TERT: variants seen among roughly 807,000 people sequenced by gnomAD.
TERT encodes the protein telomerase reverse transcriptase.
In TERT, 42 loss-of-function variants were observed where a neutral mutation model predicts 104.0. The ratio of observed to expected loss-of-function variants is 0.40; its 90% CI spans 0.32 to 0.52. TERT has a LOEUF of 0.52. Among genes scored for constraint, TERT ranks in the 20% least tolerant of loss-of-function variants. TERT has a pLI of 0.43. For missense variants in TERT, 1,101 were observed against 1,610.3 expected (o/e 0.68, Z 5.41); for synonymous variants, 781 against 725.6 (o/e 1.08, Z -1.23).
At position 1,293,924 on chromosome 5, in the gene TERT, C is replaced by T. The variant is rs150981755; in HGVS notation, c.962G>A (p.Cys321Tyr). ...CTTGGTCTCGGCGTACACCGGGGGA[C>T]AAGGCGTGTCCCAGGGACGTGGTGG... ...SRPPRPWDTP[C>Y]PPVYAETKHF... is the part of the protein sequence containing the mutation. Residue 321 changes from cysteine (C) to tyrosine (Y), a missense_variant, in exon 2 of 16, where the codon TGT (cysteine) becomes TAT (tyrosine). This residue lies in a region of TERT where 504 missense variants were observed against 544.6 expected (regional missense o/e 0.93). Coordinates refer to ENST00000310581, the MANE Select transcript of TERT (RefSeq NM_198253.3). 6.5e-7 allele frequency: 1 copy of T among 1,542,930 alleles called. No homozygotes were observed. The highest frequency in any genetic ancestry group is 1.2e-5 in the South Asian group (1 of 84,172).
At chr5:1,276,167 C>A (rs1033853742) in intron 6 of TERT, among the ~76,000 whole-genome samples, 8 of 148,198 alleles carry the variant, frequency 5.4e-5, no homozygotes, top group African/African-American at 2.0e-4. Flanking sequence ...CTACCCCACA[C>A]ATAAAAACCA....
At chr5:1,254,635 C>A in intron 14 of TERT, 130 bp from the exon 15 acceptor site, 5 of 1,016,476 alleles carry the variant, frequency 4.9e-6, no homozygotes, top group Non-Finnish European at 7.1e-6. Context: ...CCAAGCACCG[C>A]AGGAGTCACG....
rs36121240 is a variant in TERT at position 1,261,889 on chromosome 5, T to C, written c.2844-1289A>G. ...AAGGGCGGCTGCTCCCCTGGAGCCT[T>C]TCCTCCTCTACCTCTCAGGTGGTTA... On this transcript the variant is annotated intron_variant, in intron 11 of 15. Transcript: ENST00000310581. The surrounding 1 kb of genome is among the most constrained non-coding windows in gnomAD (Gnocchi z 7.4). 1.3e-5 allele frequency among the ~76,000 whole-genome samples: 2 copies of C among 152,184 alleles called. No individual in the cohort carries two copies. The highest frequency in any genetic ancestry group is 1.3e-4 in the Admixed American group (2 of 15,282).
At position 1,285,859 on chromosome 5, in the gene TERT, C is replaced by A. The variant is rs7705526; in HGVS notation, c.1574-3235G>T. Among the ~76,000 whole-genome samples the A allele has an allele frequency of 0.29, 44,226 of 151,526 alleles. 6,736 individuals are homozygous for A. The highest frequency in any genetic ancestry group is 0.46 in the Middle Eastern group (133 of 292). Reference sequence around the variant, plus strand: ...CTGGGATTACAGGCGTGAGCCACCGCGCCCAGCCTAGAAATTTTAAAATTA... The same window carrying A: ...CTGGGATTACAGGCGTGAGCCACCGAGCCCAGCCTAGAAATTTTAAAATTA... On this transcript the variant is annotated intron_variant, in intron 2 of 15. Transcript: ENST00000310581.
intron 2 of TERT, among the ~76,000 whole-genome samples, chr5:1,291,091 C>T (rs1250393306): frequency 1.5e-5 from 2 of 133,830 alleles, no homozygotes; most frequent in African/African-American, 3.0e-5. Context: ...GACAGGGACA[C>T]CTGGGGACCG....
In TERT at chr5:1,262,592, G is replaced by A. The variant is rs996029414; in HGVS notation, c.2843+1812C>T. Among the ~76,000 whole-genome samples, 1 of 152,220 alleles carries A rather than the reference G, an allele frequency of 6.6e-6. No individual in the cohort carries two copies. The highest frequency in any genetic ancestry group is 2.4e-5 in the African/African-American group (1 of 41,452). ...CTGCTGAGCTTTTAGAGCCACCTCT[G>A]CAAGCACACACTCTGACCAAGTGGC... On this transcript the variant is annotated intron_variant, in intron 11 of 15. Coordinates refer to ENST00000310581, the MANE Select transcript of TERT (RefSeq NM_198253.3). This position sits in a 1 kb window ranked among gnomAD's most constrained non-coding sequence, Gnocchi z 5.6.
In TERT at chr5:1,274,990, A is replaced by G. The variant is rs1295002489; in HGVS notation, c.2287-2710T>C. ...CTGTGAAGAGAGTCATGAAATGGAA[A>G]GACCCCTAGCGAGACCTGGAGAAGG... On this transcript the variant is annotated intron_variant, in intron 6 of 15. Transcript: ENST00000310581. This position sits in a 1 kb window ranked among gnomAD's most constrained non-coding sequence, Gnocchi z 5.3. 6.6e-6 allele frequency among the ~76,000 whole-genome samples: 1 copy of G among 152,220 alleles called. No individual in the cohort carries two copies. Among genetic ancestry groups the G allele is most frequent in the African/African-American group, 2.4e-5 (1 of 41,452 alleles).
At chr5:1,276,758 G>A (rs56345976) in intron 6 of TERT, among the ~76,000 whole-genome samples, 71,233 of 152,078 alleles carry the variant, frequency 0.47, 18,252 homozygotes, top group Non-Finnish European at 0.6. Context: ...AAAAGGAGGC[G>A]CAGAAGCAAC....
At chr5:1,258,818 G>A (rs770382447) in intron 12 of TERT, among the ~76,000 whole-genome samples, 159 bp from the exon 13 acceptor site, 9 of 152,248 alleles carry the variant, frequency 5.9e-5, no homozygotes, top group Non-Finnish European at 8.8e-5. Flanking sequence ...GCCCTCACCC[G>A]GCAGCTGCGA....
intron 2 of TERT, among the ~76,000 whole-genome samples, chr5:1,289,340 C>T (rs1415906199): frequency 6.9e-6 from 1 of 144,454 alleles, no homozygotes; most frequent in Non-Finnish European, 1.5e-5. Flanking sequence ...GGGGACAGTG[C>T]CTCACTCACC....
intron 6 of TERT, among the ~76,000 whole-genome samples, chr5:1,278,189 G>C (rs1749745133): frequency 6.6e-6 from 1 of 152,214 alleles, no homozygotes; most frequent in African/African-American, 2.4e-5. Flanking sequence ...TGAGGACCCT[G>C]AATGTGGAGC....
In TERT at chr5:1,253,243, A is replaced by AC. The variant is rs1458911385; in HGVS notation, c.*484dup. ...CCTCCCCCCAATTTGACCCACAGGGACCCCCATCCAGGTGCAGGGTCCTCG... is the reference window on the plus strand; with the variant it reads ...CCTCCCCCCAATTTGACCCACAGGGACCCCCCATCCAGGTGCAGGGTCCTCG... On this transcript the variant is annotated 3_prime_UTR_variant, in exon 16 of 16. Transcript: ENST00000310581. 2 of 257,732 alleles carry AC rather than the reference A, an allele frequency of 7.8e-6. No homozygotes were observed. The highest frequency in any genetic ancestry group is 1.1e-3 in the Middle Eastern group (1 of 878). The allele number at this position is 257,732 out of a possible 1,614,324, so 16.0% of individuals were successfully genotyped here. A position where few individuals can be genotyped will look rare whatever the true frequency, so the allele number is the denominator to read the frequency against.
chr5:1,258,704 G>A, intron 12 of TERT, 45 bp from the exon 13 acceptor site: 1 of 1,507,052 alleles, frequency 6.6e-7, no homozygotes, highest in Non-Finnish European at 9.0e-7. Flanking sequence ...AACCTCTCTG[G>A]GATTTTAAGT....
chr5:1,270,185 A>G lies in TERT; in HGVS notation c.2468+934T>C, dbSNP rs1001319814. The stretch of plus-strand genomic sequence containing the variant: ...TTTTCCAGAACGTGTGTACTACTTA[A>G]TATTTCTAATTATACTTTAATAAAT... On this transcript the variant is annotated intron_variant, in intron 8 of 15. Coordinates refer to ENST00000310581, the MANE Select transcript of TERT (RefSeq NM_198253.3). This position sits in a 1 kb window ranked among gnomAD's most constrained non-coding sequence, Gnocchi z 8.3. Among the ~76,000 whole-genome samples, 1 of 152,192 alleles carries G rather than the reference A, an allele frequency of 6.6e-6. No individual in the cohort carries two copies. The highest frequency in any genetic ancestry group is 6.5e-5 in the Admixed American group (1 of 15,278).
Position 1,279,290 on chromosome 5 carries a change from C to A in TERT, c.2130+1G>T. ...TGCTCACGGGGGTCCCCGGCACCCA[C>A]CTTGACAAAGTACAGCTCAGGCGGC... On this transcript the variant is annotated splice_donor_variant, in intron 5 of 15. Transcript: ENST00000310581. LOFTEE classifies it high-confidence loss of function. The A allele has an allele frequency of 6.3e-7, 1 of 1,577,236 alleles. No homozygotes were observed. The highest frequency in any genetic ancestry group is 8.6e-7 in the Non-Finnish European group (1 of 1,163,690).
In TERT at chr5:1,261,566, G is replaced by C. The variant is rs1183331625; in HGVS notation, c.2844-966C>G. Among the ~76,000 whole-genome samples, 2 of 152,214 alleles carry C rather than the reference G, an allele frequency of 1.3e-5. No homozygotes were observed. The highest frequency in any genetic ancestry group is 4.8e-5 in the African/African-American group (2 of 41,452). On this transcript the variant is annotated intron_variant, in intron 11 of 15. Transcript: ENST00000310581. The surrounding 1 kb of genome is among the most constrained non-coding windows in gnomAD (Gnocchi z 7.4). ...CTGATGCTGGCTCTTGGCAAGCCCA[G>C]AAAAGGAGCCAGCATGAGGGATGGG... is the stretch of plus-strand genomic sequence containing the variant.
chr5:1,266,793 A>G (rs533636656), intron 9 of TERT, among the ~76,000 whole-genome samples: 47 of 152,340 alleles, frequency 3.1e-4, no homozygotes, highest in Admixed American at 3.1e-3. Flanking sequence ...AGACGAACGA[A>G]GGCCATCAGG....
intron 15 of TERT, 49 bp from the exon 16 acceptor site, chr5:1,253,880 T>C (rs1225536779): frequency 6.4e-7 from 1 of 1,563,210 alleles, no homozygotes; most frequent in South Asian, 1.2e-5. Context: ...AGAGGTGGCA[T>C]CCTCCAACCC....
Position 1,293,368 on chromosome 5 carries a change from C to T in TERT, c.1518G>A (p.Gln506=). The T allele has an allele frequency of 1.9e-6, 3 of 1,613,392 alleles. No individual in the cohort carries two copies. Among genetic ancestry groups the T allele is most frequent in the Non-Finnish European group, 2.5e-6 (3 of 1,180,022 alleles). Residue 506 remains glutamine, a synonymous_variant, in exon 2 of 16, where the codon CAG becomes CAA. Coordinates refer to ENST00000310581, the MANE Select transcript of TERT (RefSeq NM_198253.3). Reference sequence around the variant, plus strand: ...GCACGCTCATCTTCCACGTCAGCTCCTGCAGCGAGAGCTTGGCATGCTTCC... The same window carrying T: ...GCACGCTCATCTTCCACGTCAGCTCTTGCAGCGAGAGCTTGGCATGCTTCC... ...SLGKHAKLSL[Q]ELTWKMSVRD...
Sources: gnomAD v4.1 joint callset for allele counts (sites outside exome capture counted in the v4.1 genomes callset) on GRCh38, gnomAD v4.1.1 for gene constraint, gnomAD v4.1.1 regional missense constraint, Gnocchi (gnomAD v3.1) non-coding constraint, MANE v1.5 for transcripts, NCBI Gene and HGNC (gene_info 2026-07-23, HGNC 2026-07-21) for gene names.